The following SLC5A1 variants were observed in gnomAD, a reference collection of about 807,000 sequenced individuals.
SLC5A1 encodes the protein solute carrier family 5 member 1, also known as sodium/glucose cotransporter 1.
In SLC5A1, 42 loss-of-function variants were observed where a neutral mutation model predicts 73.5. The ratio of observed to expected loss-of-function variants is 0.57; its 90% CI spans 0.45 to 0.74. The LOEUF is 0.74. SLC5A1 is among the 30% of genes least tolerant of loss of function. The pLI, the probability that SLC5A1 is intolerant of heterozygous loss-of-function variation, is 0.00. For missense variants in SLC5A1, 634 were observed against 855.4 expected, an observed-to-expected ratio of 0.74 and a Z score of 3.23; for synonymous variants, 300 against 317.4, an observed-to-expected ratio of 0.95 and a Z score of 0.58.
At chr22:32,045,302 G>C (rs1272187814) in intron 1 of SLC5A1, among the ~76,000 whole-genome samples, 1 of 152,128 alleles carries the variant, frequency 6.6e-6, no homozygotes, top group Non-Finnish European at 1.5e-5. Context: ...TTTTTAAATG[G>C]TGTTTACATG....
intron 2 of SLC5A1, among the ~76,000 whole-genome samples, chr22:32,052,855 T>C (rs1197913083): frequency 1.3e-5 from 2 of 152,066 alleles, no homozygotes; most frequent in African/African-American, 4.8e-5. Context: ...CCCTTAGTGG[T>C]GTCACCTGAG....
Position 32,091,661 on chromosome 22 carries a change from C to T in SLC5A1, c.1179C>T (p.Ser393=), listed in dbSNP as rs201456202. 84 of 1,614,014 alleles carry T rather than the reference C, an allele frequency of 5.2e-5. No individual in the cohort carries two copies. Among genetic ancestry groups the T allele is most frequent in the Non-Finnish European group, 6.9e-5 (81 of 1,180,010 alleles). ...TCATGCTGGCCTCCCTCATGAGCTC[C>T]CTGACCTCCATCTTCAACAGCGCCA... ...LSVMLASLMS[S]LTSIFNSAST... is the part of the protein sequence containing the mutation. Residue 393 remains serine (S), a synonymous_variant, in exon 11 of 15, where the codon TCC becomes TCT. Coordinates refer to ENST00000266088, the MANE Select transcript of SLC5A1 (RefSeq NM_000343.4).
intron 14 of SLC5A1, among the ~76,000 whole-genome samples, chr22:32,106,845 T>C (rs781684747): frequency 6.6e-6 from 1 of 152,198 alleles, no homozygotes; most frequent in Non-Finnish European, 1.5e-5. Context: ...TACCTGGTGC[T>C]GGGCTGGAGG....
intron 2 of SLC5A1, among the ~76,000 whole-genome samples, chr22:32,055,892 A>G (rs1330714084): frequency 1.3e-5 from 2 of 152,130 alleles, no homozygotes; most frequent in Non-Finnish European, 2.9e-5. Flanking sequence ...GGGCTCTCAA[A>G]CTGTGGTACC....
chr22:32,080,146 A>G (rs1283448633), intron 5 of SLC5A1, among the ~76,000 whole-genome samples: 2 of 152,136 alleles, frequency 1.3e-5, no homozygotes, highest in African/African-American at 4.8e-5. Context: ...TGCTAACTCC[A>G]GGGAGAGAGG....
At position 32,110,157 on chromosome 22, in the gene SLC5A1, G is replaced by A. The variant is rs1052039334; in HGVS notation, c.1939G>A (p.Val647Ile). ...GCCTTTGTGGAGGACAGTGTTGAAC[G>A]TCAATGGCATCATCCTGGTGACCGT... ...EKPLWRTVLNVNGIILVTVAV... is the reference protein window; with the variant it reads ...EKPLWRTVLNINGIILVTVAV... The change falls in exon 15 of 15, where the codon GTC (valine) becomes ATC (isoleucine). Residue 647 changes from valine to isoleucine, a missense_variant. By Grantham distance (29) the Val-to-Ile change is conservative (BLOSUM62 3). Transcript: ENST00000266088. The A allele has an allele frequency of 1.4e-5, 22 of 1,614,130 alleles. No individual in the cohort carries two copies. The highest frequency in any genetic ancestry group is 4.5e-5 in the East Asian group (2 of 44,880).
intron 2 of SLC5A1, 24 bp downstream of exon 2, chr22:32,050,038 T>C (rs745748565): frequency 3.8e-6 from 6 of 1,591,784 alleles, no homozygotes; most frequent in Non-Finnish European, 5.2e-6. Context: ...GAAATGCTAT[T>C]TACATAACTG....
In SLC5A1 at chr22:32,112,349, G is replaced by A. The variant is rs554944551; in HGVS notation, c.*2136G>A. 5.3e-4 allele frequency: 81 copies of A among 152,240 alleles called. No individual in the cohort carries two copies. Among genetic ancestry groups the A allele is most frequent in the African/African-American group, 1.9e-3 (77 of 41,530 alleles). 9.4% of individuals were successfully genotyped at this position (152,240 alleles called of 1,614,324 possible). On this transcript the variant is annotated 3_prime_UTR_variant, in exon 15 of 15. Transcript: ENST00000266088. ...CCATGACCACCAAGTTCCTCACCTT[G>A]GCTGAGTCCCTAAAACTCTCTGAAC...
chr22:32,055,510 T>C (rs1290246894), intron 2 of SLC5A1, among the ~76,000 whole-genome samples: 3 of 152,158 alleles, frequency 2.0e-5, no homozygotes, highest in Admixed American at 1.3e-4. Context: ...TATGAAAACA[T>C]GACACAGATG....
intron 2 of SLC5A1, chr22:32,059,260 A>G: frequency 1.0e-6 from 1 of 985,426 alleles, no homozygotes; most frequent in Non-Finnish European, 1.2e-6. Flanking sequence ...GCTAGAAGGT[A>G]TTTGGGGCAG....
chr22:32,111,782 G>A lies in SLC5A1; in HGVS notation c.*1569G>A, dbSNP rs2094057576. ...AAATACAAGCAAAGCCCAACACTCT[G>A]ATTTGCATTTATGCCAATCTAAACT... On this transcript the variant is annotated 3_prime_UTR_variant, in exon 15 of 15. Transcript: ENST00000266088. The A allele has an allele frequency of 6.6e-6, 1 of 152,154 alleles. No individual in the cohort carries two copies. The highest frequency in any genetic ancestry group is 2.4e-5 in the African/African-American group (1 of 41,444). The allele number at this position is 152,154 out of a possible 1,614,324, so 9.4% of individuals were successfully genotyped here.
At chr22:32,047,879 G>A (rs1351115843) in intron 1 of SLC5A1, among the ~76,000 whole-genome samples, 1 of 152,076 alleles carries the variant, frequency 6.6e-6, no homozygotes, top group Admixed American at 6.6e-5. Context: ...TGCAGACATC[G>A]GCCGGGCATG....
At chr22:32,086,453 G>C in intron 10 of SLC5A1, 126 bp downstream of exon 10, 1 of 726,530 alleles carries the variant, frequency 1.4e-6, no homozygotes, top group South Asian at 1.5e-5. Flanking sequence ...AGAAGGGAAA[G>C]CATCATTGTG....
intron 10 of SLC5A1, among the ~76,000 whole-genome samples, chr22:32,090,722 G>T (rs768102396): frequency 6.6e-6 from 1 of 151,520 alleles, no homozygotes; most frequent in African/African-American, 2.4e-5. Context: ...ATTTCTCTTG[G>T]GTAGAGAGAA....
At chr22:32,070,353 T>C (rs1329622434) in intron 5 of SLC5A1, among the ~76,000 whole-genome samples, 1 of 148,740 alleles carries the variant, frequency 6.7e-6, no homozygotes, top group African/African-American at 2.5e-5. Context: ...TGAGATAGGG[T>C]CTTGCTGTAT....
chr22:32,106,582 G>C (rs140987054), intron 14 of SLC5A1, among the ~76,000 whole-genome samples: 143 of 152,326 alleles, frequency 9.4e-4, no homozygotes, highest in Non-Finnish European at 1.8e-3. Context: ...GTGACATCAA[G>C]ATGAGGGGAT....
intron 12 of SLC5A1, among the ~76,000 whole-genome samples, chr22:32,101,762 A>T (rs1753472227): frequency 6.6e-6 from 1 of 152,106 alleles, no homozygotes; most frequent in Non-Finnish European, 1.5e-5. Flanking sequence ...TTACCCCATT[A>T]TATTATGGCT....
intron 10 of SLC5A1, among the ~76,000 whole-genome samples, chr22:32,091,214 G>A (rs1176547188): frequency 2.0e-5 from 3 of 151,556 alleles, no homozygotes; most frequent in African/African-American, 7.3e-5. Flanking sequence ...TTGAATAATA[G>A]TTTAAATCTC....
chr22:32,051,110 T>C (rs2093944598), intron 2 of SLC5A1, among the ~76,000 whole-genome samples: 1 of 152,168 alleles, frequency 6.6e-6, no homozygotes, highest in African/African-American at 2.4e-5. Flanking sequence ...TGAGAGACTC[T>C]TGTTTTGGAA....
Sources: allele counts gnomAD v4.1 joint callset (sites outside exome capture counted in the v4.1 genomes callset), GRCh38; gene constraint gnomAD v4.1.1; transcripts MANE v1.5; gene names NCBI Gene and HGNC (gene_info 2026-07-23, HGNC 2026-07-21).